The following DCC variants were observed in gnomAD, a reference collection of about 807,000 sequenced individuals.
DCC encodes DCC netrin 1 receptor.
In DCC, 58 loss-of-function variants were observed where a neutral mutation model predicts 172.5. The observed-to-expected ratio is 0.34, with a 90% CI of 0.27 to 0.42. DCC has a LOEUF of 0.42. Among genes scored for constraint, DCC ranks in the 10% least tolerant of loss-of-function variants. The pLI is 1.00. For missense variants in DCC, 1,740 were observed against 1,791.0 expected (o/e 0.97, Z 0.51); for synonymous variants, 709 against 644.5 (o/e 1.10, Z -1.52).
At chr18:53,041,091 A>C (rs990205268) in intron 5 of DCC, among the ~76,000 whole-genome samples, 2 of 114,180 alleles carry the variant, frequency 1.8e-5, no homozygotes, top group African/African-American at 8.0e-5. Flanking sequence ...TTGGTGTTTT[A>C]GTCATAAAGT....
intron 8 of DCC, among the ~76,000 whole-genome samples, chr18:53,171,924 G>A (rs147453705): frequency 1.3e-5 from 2 of 151,944 alleles, no homozygotes; most frequent in South Asian, 4.1e-4. Context: ...CTTATACATT[G>A]TTGGCAGAAA....
At chr18:52,555,768 C>G (rs374675150) in intron 1 of DCC, among the ~76,000 whole-genome samples, 1 of 151,990 alleles carries the variant, frequency 6.6e-6, no homozygotes, top group Non-Finnish European at 1.5e-5. Context: ...CATCTGATTT[C>G]GATTCATTTA....
At chr18:52,552,841 AG>A (rs1165140850) in intron 1 of DCC, among the ~76,000 whole-genome samples, 5 of 150,774 alleles carry the variant, frequency 3.3e-5, no homozygotes, top group African/African-American at 1.2e-4. Flanking sequence ...AAAGGAAAAA[AG>A]AAAAAAGTAT....
chr18:52,825,292 C>A (rs1239378012), intron 2 of DCC, among the ~76,000 whole-genome samples: 2 of 152,030 alleles, frequency 1.3e-5, no homozygotes, highest in African/African-American at 4.8e-5. Flanking sequence ...CATGATTCTG[C>A]CTAACTAATA....
At chr18:52,537,291 G>T (rs946403573) in intron 1 of DCC, among the ~76,000 whole-genome samples, 6 of 152,168 alleles carry the variant, frequency 3.9e-5, no homozygotes, top group African/African-American at 1.2e-4. Context: ...TCTCCTTTAT[G>T]ATATATTTAG....
intron 27 of DCC, among the ~76,000 whole-genome samples, chr18:53,513,678 A>G (rs984085890): frequency 5.3e-5 from 8 of 151,996 alleles, no homozygotes; most frequent in African/African-American, 1.5e-4. Flanking sequence ...TTCTGATAAA[A>G]CAGACTTTAA....
rs1290884982 is a variant in DCC, at chr18:52,842,021, TAC to T, written c.413-64021_413-64020del. On this transcript the variant is annotated intron_variant, in intron 2 of 28. Transcript: ENST00000442544. Reference sequence around the variant, plus strand: ...ATTTTTGCGCATATATATATATATATACATATATATCAATGAAACTATTTTAA... The same window carrying T: ...ATTTTTGCGCATATATATATATATATATATATATCAATGAAACTATTTTAA... Among the ~76,000 whole-genome samples the T allele has an allele frequency of 1.0e-4, 14 of 136,836 alleles. No individual in the cohort carries two copies. The South Asian group carries it at 2.4e-3, about 24-fold the overall frequency. 89.8% of individuals were successfully genotyped at this position (136,836 alleles called of 152,430 possible).
chr18:53,092,199 A>G (rs1209887648), intron 7 of DCC, among the ~76,000 whole-genome samples: 2 of 152,132 alleles, frequency 1.3e-5, no homozygotes, highest in African/African-American at 4.8e-5. Flanking sequence ...TTTTTTAAAT[A>G]TTATCCATTA....
rs556034270 is a variant in DCC at position 52,894,233 on chromosome 18, G to A, written c.413-11811G>A. On this transcript the variant is annotated intron_variant, in intron 2 of 28. Transcript: ENST00000442544. ...GCATCTTTCATTTTTGTCACAGTGC[G>A]CTATGCTATATATTTGCCTTTCCTA... Among the ~76,000 whole-genome samples, 10 of 152,074 alleles carry A rather than the reference G, an allele frequency of 6.6e-5. No individual in the cohort carries two copies. In the East Asian group the frequency reaches 1.4e-3, roughly 21 times the overall value.
At chr18:52,974,486 G>C (rs987466151) in intron 5 of DCC, among the ~76,000 whole-genome samples, 11 of 152,142 alleles carry the variant, frequency 7.2e-5, no homozygotes, top group Non-Finnish European at 8.8e-5. Context: ...AAATGCCAGA[G>C]GACTTGCAGC....
intron 1 of DCC, among the ~76,000 whole-genome samples, chr18:52,553,365 A>G (rs968861075): frequency 1.3e-5 from 2 of 152,042 alleles, no homozygotes; most frequent in Non-Finnish European, 2.9e-5. Flanking sequence ...ACCATCATAG[A>G]ACAAATATCT....
intron 7 of DCC, among the ~76,000 whole-genome samples, chr18:53,091,845 ATCTATCAATC>A (rs1434274902): frequency 0.012 from 689 of 57,900 alleles, 7 homozygotes; most frequent in African/African-American, 0.053. Flanking sequence ...CTATCTATCT[ATCTATCAATC>A]TATCTATATA....
chr18:53,414,708 C>T (rs1268156480), intron 20 of DCC, among the ~76,000 whole-genome samples: 16 of 151,978 alleles, frequency 1.1e-4, no homozygotes, highest in African/African-American at 3.9e-4. Context: ...ATTAGCCAGG[C>T]GTGGTGGCAC....
chr18:52,407,460 G>A (rs759323479), intron 1 of DCC, among the ~76,000 whole-genome samples: 10 of 151,762 alleles, frequency 6.6e-5, no homozygotes, highest in African/African-American at 2.4e-5. Flanking sequence ...TTAATAACCT[G>A]GTCATACTCC....
At chr18:52,561,843 C>T (rs928883134) in intron 1 of DCC, among the ~76,000 whole-genome samples, 1 of 152,158 alleles carries the variant, frequency 6.6e-6, no homozygotes, top group Non-Finnish European at 1.5e-5. Context: ...CACTGAAACT[C>T]CTCAATCCAT....
chr18:52,940,960 A>G (rs1363627200), intron 5 of DCC: 1 of 152,190 alleles, frequency 6.6e-6, no homozygotes, highest in African/African-American at 2.4e-5. Flanking sequence ...GTCATAAGGC[A>G]GTTGGAAAGG....
chr18:52,501,751 A>G (rs2031030390), intron 1 of DCC, among the ~76,000 whole-genome samples: 1 of 152,074 alleles, frequency 6.6e-6, no homozygotes, highest in African/African-American at 2.4e-5. Context: ...TTCTGAGTGG[A>G]TATTTTTTCT....
chr18:52,349,721 C>T (rs1984033532), intron 1 of DCC, among the ~76,000 whole-genome samples: 1 of 152,172 alleles, frequency 6.6e-6, no homozygotes, highest in Admixed American at 6.5e-5. Flanking sequence ...CTCTTCTGGG[C>T]TGAAATGTGT....
chr18:52,552,226 C>T (rs2032795775), intron 1 of DCC, among the ~76,000 whole-genome samples: 2 of 151,888 alleles, frequency 1.3e-5, no homozygotes, highest in South Asian at 2.1e-4. Flanking sequence ...AGGAGGAGAC[C>T]CACAGGAATT....
Sources: allele counts gnomAD v4.1 joint callset (sites outside exome capture counted in the v4.1 genomes callset), GRCh38; gene constraint gnomAD v4.1.1; transcripts MANE v1.5; gene names NCBI Gene and HGNC (gene_info 2026-07-23, HGNC 2026-07-21).